The following SNU13 variants were observed in gnomAD, a reference collection of about 807,000 sequenced individuals.
The protein encoded by SNU13 is NHP2-like protein 1.
SNU13 carries 2 observed loss-of-function variants against 12.4 expected under a neutral mutation model. That is an observed-to-expected ratio of 0.16 (90% confidence interval 0.07 to 0.51). The LOEUF is 0.51. Ranked by LOEUF, SNU13 falls within the 20% of genes least tolerant of loss-of-function variation. SNU13 has a pLI of 0.96. For synonymous variants in SNU13, 68 were observed against 66.5 expected (o/e 1.02, Z -0.11); for missense variants, 66 against 157.8 (o/e 0.42, Z 3.12).
intron 1 of SNU13, among the ~76,000 whole-genome samples, chr22:41,680,578 T>G (rs1027989882): frequency 6.6e-6 from 1 of 152,246 alleles, no homozygotes; most frequent in Non-Finnish European, 1.5e-5. Flanking sequence ...TTCAGTAAAG[T>G]ATACTAAAGC....
At chr22:41,689,654 C>G (rs1418870554), upstream of SNU13, among the ~76,000 whole-genome samples, 2 of 147,602 alleles carry the variant, frequency 1.4e-5, no homozygotes, top group African/African-American at 5.0e-5. Flanking sequence ...GCCTGGGCAA[C>G]AGAGTGAGAC....
At chr22:41,683,915 T>G (rs1168623946) in intron 1 of SNU13, among the ~76,000 whole-genome samples, 1 of 152,062 alleles carries the variant, frequency 6.6e-6, no homozygotes, top group Non-Finnish European at 1.5e-5. Flanking sequence ...TTTTGTTGTT[T>G]TTTTTGAGAT....
upstream of SNU13, chr22:41,688,970 C>T: frequency 1.5e-6 from 2 of 1,348,504 alleles, no homozygotes; most frequent in South Asian, 3.6e-5. Flanking sequence ...GGCACTGGCG[C>T]GGAAACTGGC....
Position 41,674,818 on chromosome 22 carries a change from T to C in SNU13, c.*115A>G, listed in dbSNP as rs72550744. On this transcript the variant is annotated 3_prime_UTR_variant, in exon 3 of 3. Transcript: ENST00000401959. ...ACAAAAATCCAGAAACCAGATTTAGTACTACATTTTATAACAATAGAGAGT... is the reference window on the plus strand; with the variant it reads ...ACAAAAATCCAGAAACCAGATTTAGCACTACATTTTATAACAATAGAGAGT... The C allele has an allele frequency of 2.6e-3, 3,575 of 1,385,088 alleles. 75 individuals are homozygous for C. In the African/African-American group the frequency reaches 0.044, roughly 17 times the overall value. 85.8% of individuals were successfully genotyped at this position (1,385,088 alleles called of 1,614,324 possible).
At chr22:41,684,728 A>C (rs1376135336) in intron 1 of SNU13, among the ~76,000 whole-genome samples, 1 of 152,212 alleles carries the variant, frequency 6.6e-6, no homozygotes, top group African/African-American at 2.4e-5. Context: ...GTGTATTCTG[A>C]ACTGGCTGCA....
At chr22:41,681,164 A>G (rs2068260238) in intron 1 of SNU13, 1 of 152,224 alleles carries the variant, frequency 6.6e-6, no homozygotes, top group African/African-American at 2.4e-5. Flanking sequence ...CCTCCTCTAC[A>G]ATACACACAA....
intron 1 of SNU13, chr22:41,682,706 A>C: frequency 3.8e-6 from 2 of 523,658 alleles, no homozygotes; most frequent in Non-Finnish European, 5.8e-6. Context: ...TTAGAGACGG[A>C]GTCTCCCTCT....
intron 1 of SNU13, among the ~76,000 whole-genome samples, chr22:41,685,133 C>T (rs943563185): frequency 8.3e-5 from 10 of 120,980 alleles, no homozygotes; most frequent in Admixed American, 2.8e-4. Flanking sequence ...CCAGCCTGGG[C>T]GAAAGAGTGA....
chr22:41,678,915 C>T (rs188382334), intron 2 of SNU13, among the ~76,000 whole-genome samples: 6 of 152,318 alleles, frequency 3.9e-5, no homozygotes, highest in East Asian at 1.9e-4. Flanking sequence ...AAATCTTCAA[C>T]GACAAAAGAG....
intron 1 of SNU13, among the ~76,000 whole-genome samples, chr22:41,684,225 CAAAA>C (rs2068290743): frequency 1.3e-5 from 2 of 152,022 alleles, no homozygotes; most frequent in African/African-American, 2.4e-5. Flanking sequence ...GTTTAATAGG[CAAAA>C]GAAAGAGAAA....
intron 2 of SNU13, among the ~76,000 whole-genome samples, chr22:41,679,237 C>T (rs1286979081): frequency 6.6e-6 from 1 of 151,754 alleles, no homozygotes; most frequent in East Asian, 1.9e-4. Flanking sequence ...GGTGAAACCT[C>T]GTCTCTACTT....
At chr22:41,686,184 T>C (rs946744028) in intron 1 of SNU13, among the ~76,000 whole-genome samples, 2 of 152,166 alleles carry the variant, frequency 1.3e-5, no homozygotes, top group African/African-American at 4.8e-5. Context: ...AAATTTTCCT[T>C]CTTTTGTGCC....
At chr22:41,682,491 C>T in intron 1 of SNU13, 1 of 1,573,342 alleles carries the variant, frequency 6.4e-7, no homozygotes, top group South Asian at 1.1e-5. Flanking sequence ...CCACTGCCGC[C>T]AGCGGAAGTG....
chr22:41,683,806 G>T (rs1278078085), intron 1 of SNU13, among the ~76,000 whole-genome samples: 1 of 152,166 alleles, frequency 6.6e-6, no homozygotes, highest in Non-Finnish European at 1.5e-5. Context: ...GTGTCAAACT[G>T]AACTAGCTTC....
intron 1 of SNU13, among the ~76,000 whole-genome samples, chr22:41,684,769 G>A (rs73424961): frequency 0.016 from 2,456 of 152,242 alleles, 62 homozygotes; most frequent in African/African-American, 0.055. Flanking sequence ...CACCAACTTG[G>A]GAAACTGAGG....
intron 2 of SNU13, among the ~76,000 whole-genome samples, chr22:41,679,975 T>TA (rs575913455): frequency 1.2e-4 from 19 of 152,324 alleles, no homozygotes; most frequent in Middle Eastern, 3.4e-3. Flanking sequence ...ACAGCCACTA[T>TA]ACAGTCTCCA....
rs2068249032 is a variant in SNU13 at position 41,680,027 on chromosome 22, T to C, written c.124+217A>G. On this transcript the variant is annotated intron_variant, in intron 2 of 2. Coordinates refer to ENST00000401959, the MANE Select transcript of SNU13 (RefSeq NM_001003796.2). ...GCTCAGCAAAAATAAAATTCACTTA[T>C]AGAGTGAAAAAGAAGGTAAATGTGG... Among the ~76,000 whole-genome samples, 8 of 152,122 alleles carry C rather than the reference T, an allele frequency of 5.3e-5. No individual in the cohort carries two copies. In the South Asian group the frequency reaches 1.7e-3, roughly 31 times the overall value.
intron 2 of SNU13, among the ~76,000 whole-genome samples, chr22:41,679,319 G>A (rs1233577540): frequency 2.0e-5 from 3 of 152,168 alleles, no homozygotes; most frequent in African/African-American, 7.2e-5. Flanking sequence ...CACTTTGGGA[G>A]GCCAAGGCAG....
At chr22:41,683,039 AC>A (rs1286668353) in intron 1 of SNU13, among the ~76,000 whole-genome samples, 2 of 152,000 alleles carry the variant, frequency 1.3e-5, no homozygotes, top group Non-Finnish European at 2.9e-5. Context: ...TCGCTCTGTC[AC>A]CCAGGCTGGA....
Sources: allele counts gnomAD v4.1 joint callset (sites outside exome capture counted in the v4.1 genomes callset), GRCh38; gene constraint gnomAD v4.1.1; transcripts MANE v1.5; gene names NCBI Gene and HGNC (gene_info 2026-07-23, HGNC 2026-07-21).